Variants in LRIF1 observed in about 807,000 individuals in gnomAD.
LRIF1 encodes ligand dependent nuclear receptor interacting factor 1.
In LRIF1, 32 loss-of-function variants were observed where a neutral mutation model predicts 52.7. The ratio of observed to expected loss-of-function variants is 0.61; its 90% CI spans 0.46 to 0.82. The LOEUF is 0.82. Among genes scored for constraint, LRIF1 ranks in the 40% least tolerant of loss-of-function variants. The pLI, the probability that LRIF1 is intolerant of heterozygous loss-of-function variation, is 0.00. For synonymous variants in LRIF1, 323 were observed against 317.4 expected (o/e 1.02, Z -0.19); for missense variants, 887 against 892.0 (o/e 0.99, Z 0.07).
At position 110,952,224 on chromosome 1, in the gene LRIF1, C is replaced by T. The variant is rs1658511170; in HGVS notation, c.660G>A (p.Met220Ile). The stretch of plus-strand genomic sequence containing the variant: ...CGGTTGGCATTTGGGAGGCCTCAAC[C>T]ATTCCTGAGGTACTGGTGGTGGCAG... ...LATATTSTSG[M>I]VEASQMPTVI... The change falls in exon 2 of 4, where the codon ATG becomes ATA. Residue 220 changes from methionine to isoleucine, a missense_variant. Physicochemically the swap from Met to Ile is conservative, Grantham distance 10 (BLOSUM62 1). Transcript: ENST00000369763. The T allele has an allele frequency of 6.2e-7, 1 of 1,614,062 alleles. No individual in the cohort carries two copies. The highest frequency in any genetic ancestry group is 1.3e-5 in the African/African-American group (1 of 74,924).
chr1:110,894,531 CAG>C, the LRIF1 span: 6 of 728,412 alleles, frequency 8.2e-6, no homozygotes, highest in East Asian at 2.6e-5. Flanking sequence ...ATAGAGGAAA[CAG>C]AGAGTAATTG....
chr1:110,936,336 T>A, the LRIF1 span: 1 of 152,158 alleles, frequency 6.6e-6, no homozygotes, highest in African/African-American at 2.4e-5. Context: ...AAACTACTCT[T>A]ATCCTAAAAA....
downstream of LRIF1, chr1:110,945,291 A>G (rs1035354707): frequency 1.3e-5 from 2 of 152,214 alleles, no homozygotes; most frequent in East Asian, 3.8e-4. Context: ...TATATAAGGT[A>G]TTAGTGGTAA....
chr1:110,948,489 C>T (rs1658308228), intron 3 of LRIF1, 90 bp from the exon 4 acceptor site: 3 of 1,464,780 alleles, frequency 2.0e-6, no homozygotes, highest in Non-Finnish European at 2.7e-6. Flanking sequence ...TCTGCAGAAA[C>T]AAATATCTAG....
chr1:110,952,899 T>C, intron 1 of LRIF1, 84 bp from the exon 2 acceptor site: 1 of 765,872 alleles, frequency 1.3e-6, no homozygotes, highest in Non-Finnish European at 1.8e-6. Flanking sequence ...TAAATATTTG[T>C]AAATATTAAA....
chr1:110,936,381 A>G, the LRIF1 span: 12 of 152,178 alleles, frequency 7.9e-5, no homozygotes, highest in African/African-American at 2.9e-4. Context: ...ACAAATAGCA[A>G]TAACTTTTAA....
chr1:110,923,169 G>A, the LRIF1 span, among the ~76,000 whole-genome samples: 1 of 152,066 alleles, frequency 6.6e-6, no homozygotes, highest in Non-Finnish European at 1.5e-5. Context: ...GTGTGGTGGT[G>A]CACACCTGTA....
intron 1 of LRIF1, among the ~76,000 whole-genome samples, chr1:110,954,250 G>A (rs546427754): frequency 6.6e-6 from 1 of 152,216 alleles, no homozygotes; most frequent in African/African-American, 2.4e-5. Flanking sequence ...TTTTGGACAC[G>A]TGAGAGTGGG....
the LRIF1 span, among the ~76,000 whole-genome samples, chr1:110,887,068 T>C: frequency 6.6e-6 from 1 of 150,930 alleles, no homozygotes; most frequent in African/African-American, 2.4e-5. Flanking sequence ...GTTTATTTTA[T>C]TTTATTTTAT....
chr1:110,905,054 C>A, the LRIF1 span, among the ~76,000 whole-genome samples: 1 of 151,950 alleles, frequency 6.6e-6, no homozygotes, highest in Non-Finnish European at 1.5e-5. Flanking sequence ...AATTAGTGAG[C>A]TTGAAGACAG....
At chr1:110,943,624 C>A (rs535021546), downstream of LRIF1, 1 of 152,084 alleles carries the variant, frequency 6.6e-6, no homozygotes, top group South Asian at 2.1e-4. Context: ...AAAAAAGAGG[C>A]CACAATTTTT....
the LRIF1 span, among the ~76,000 whole-genome samples, chr1:110,909,207 CA>C: frequency 2.6e-5 from 4 of 152,162 alleles, no homozygotes; most frequent in Non-Finnish European, 5.9e-5. Context: ...ACCTGCCTTA[CA>C]AGAGGTCCTT....
At chr1:110,906,301 TTTGAGAGG>T in the LRIF1 span, among the ~76,000 whole-genome samples, 3 of 152,120 alleles carry the variant, frequency 2.0e-5, no homozygotes, top group Non-Finnish European at 4.4e-5. Context: ...ATGCCAGCAC[TTTGAGAGG>T]TTGAAGCAGA....
the LRIF1 span, among the ~76,000 whole-genome samples, chr1:110,931,429 G>A: frequency 6.6e-6 from 1 of 152,190 alleles, no homozygotes; most frequent in South Asian, 2.1e-4. Flanking sequence ...ATTGTGAATA[G>A]TGGCGCAAGA....
At chr1:110,924,542 C>T in the LRIF1 span, among the ~76,000 whole-genome samples, 1 of 152,206 alleles carries the variant, frequency 6.6e-6, no homozygotes, top group African/African-American at 2.4e-5. Flanking sequence ...ATAAAACCAT[C>T]AGATCTCGTG....
chr1:110,948,388 A>G lies in LRIF1; in HGVS notation c.1881T>C (p.Asp627=). Residue 627 remains aspartate (D), a synonymous_variant, in exon 4 of 4, where the codon GAT becomes GAC. Coordinates refer to ENST00000369763, the MANE Select transcript of LRIF1 (RefSeq NM_018372.4). ...KEGERKQQNF[D]KKRKAKTNKK... is the part of the protein sequence containing the mutation. ...TATTAGTTTTTGCTTTTCTTTTCTT[A>G]TCAAAATTCTGCTGCAATATTGAAT... is the stretch of plus-strand genomic sequence containing the variant. 6.2e-7 allele frequency: 1 copy of G among 1,609,470 alleles called. No individual in the cohort carries two copies. Among genetic ancestry groups the G allele is most frequent in the Admixed American group, 1.7e-5 (1 of 59,380 alleles).
chr1:110,914,265 A>C, the LRIF1 span, among the ~76,000 whole-genome samples: 1 of 152,154 alleles, frequency 6.6e-6, no homozygotes. Context: ...CACACAATTT[A>C]CCCATGTAAC....
At chr1:110,921,329 A>G in the LRIF1 span, among the ~76,000 whole-genome samples, 1 of 152,214 alleles carries the variant, frequency 6.6e-6, no homozygotes, top group Non-Finnish European at 1.5e-5. Flanking sequence ...ATTAAAAAGG[A>G]AAACATATTC....
chr1:110,877,118 G>C, the LRIF1 span, among the ~76,000 whole-genome samples: 2 of 152,030 alleles, frequency 1.3e-5, no homozygotes, highest in Non-Finnish European at 2.9e-5. Flanking sequence ...TTCTAGTCAC[G>C]CATTGCCTTC....
Sources: allele counts gnomAD v4.1 joint callset (sites outside exome capture counted in the v4.1 genomes callset), GRCh38; gene constraint gnomAD v4.1.1; transcripts MANE v1.5; gene names NCBI Gene and HGNC (gene_info 2026-07-23, HGNC 2026-07-21).